FOCAD: variants seen among roughly 807,000 people sequenced by gnomAD.
The protein encoded by FOCAD is focadhesin.
FOCAD carries 198 observed loss-of-function variants against 225.6 expected under a neutral mutation model. The observed-to-expected ratio is 0.88, with a 90% CI of 0.78 to 0.99. The LOEUF is 0.99. Ranked by LOEUF, FOCAD falls within the 50% of genes least tolerant of loss-of-function variation. The pLI, the probability that FOCAD is intolerant of heterozygous loss-of-function variation, is 0.00. For missense variants in FOCAD, 2,713 were observed against 2,123.6 expected, an observed-to-expected ratio of 1.28 and a Z score of -5.46; for synonymous variants, 897 against 755.0, an observed-to-expected ratio of 1.19 and a Z score of -3.08.
At chr9:20,837,686 C>A (rs575519526) in intron 15 of FOCAD, among the ~76,000 whole-genome samples, 2 of 152,058 alleles carry the variant, frequency 1.3e-5, no homozygotes, top group African/African-American at 4.8e-5. Flanking sequence ...TATGTTTGTA[C>A]AAGAATTATT....
At chr9:20,877,861 T>C (rs370997895) in intron 19 of FOCAD, among the ~76,000 whole-genome samples, 1 of 151,614 alleles carries the variant, frequency 6.6e-6, no homozygotes, top group East Asian at 2.0e-4. Flanking sequence ...TAAGCCAACA[T>C]TGCACCACTG....
chr9:20,681,107 T>C (rs1373782515), upstream of FOCAD, among the ~76,000 whole-genome samples: 1 of 152,252 alleles, frequency 6.6e-6, no homozygotes, highest in Non-Finnish European at 1.5e-5. Context: ...TGTATCCTTT[T>C]AGAATTTTAG....
intron 37 of FOCAD, among the ~76,000 whole-genome samples, chr9:20,980,687 A>C (rs552638935): frequency 6.6e-6 from 1 of 152,322 alleles, no homozygotes; most frequent in East Asian, 1.9e-4. Flanking sequence ...AATAGCACAC[A>C]AAAAAGTTTT....
chr9:20,696,149 C>T (rs1823351212), intron 1 of FOCAD, among the ~76,000 whole-genome samples: 1 of 152,196 alleles, frequency 6.6e-6, no homozygotes, highest in Non-Finnish European at 1.5e-5. Context: ...TTCACTCTTC[C>T]CACATTTCAT....
intron 7 of FOCAD, among the ~76,000 whole-genome samples, chr9:20,769,031 G>A (rs997308659): frequency 1.3e-5 from 2 of 152,122 alleles, no homozygotes; most frequent in African/African-American, 4.8e-5. Flanking sequence ...ATATTGTCAA[G>A]TAAACATTAG....
chr9:20,829,105 G>T (rs550312375), intron 15 of FOCAD, among the ~76,000 whole-genome samples: 3 of 152,030 alleles, frequency 2.0e-5, no homozygotes, highest in Non-Finnish European at 4.4e-5. Context: ...ATATACGTGC[G>T]CATGTGTCTT....
At chr9:20,858,138 A>G (rs144325693) in intron 15 of FOCAD, among the ~76,000 whole-genome samples, 7 of 151,946 alleles carry the variant, frequency 4.6e-5, no homozygotes, top group South Asian at 2.1e-4. Flanking sequence ...CTCCTCTTCT[A>G]TTTTTTGGAA....
chr9:20,874,875 T>C, intron 19 of FOCAD, 68 bp downstream of exon 19: 2 of 1,572,564 alleles, frequency 1.3e-6, no homozygotes, highest in South Asian at 1.1e-5. Context: ...TTGTATTCTT[T>C]TGTGATAGGT....
intron 15 of FOCAD, 127 bp downstream of exon 15, chr9:20,823,242 T>C (rs1824519407): frequency 9.0e-7 from 1 of 1,111,854 alleles, no homozygotes; most frequent in Non-Finnish European, 1.2e-6. Context: ...GAATTTTTTC[T>C]TGGAAAAGTG....
At chr9:20,955,195 C>A (rs1026050225) in intron 35 of FOCAD, among the ~76,000 whole-genome samples, 1 of 152,144 alleles carries the variant, frequency 6.6e-6, no homozygotes, top group African/African-American at 2.4e-5. Context: ...TTCATTGTCT[C>A]TGCTTGCTAC....
In FOCAD at chr9:20,939,150, C is replaced by CAAAAAAAA. The variant is rs565280892; in HGVS notation, c.3408-5467_3408-5460dup. The stretch of plus-strand genomic sequence containing the variant: ...GGGCGACAGAGCGAGACTCTCTTCT[C>CAAAAAAAA]AAAAAAAAAAAAAAAAAGAGTGTGG... On this transcript the variant is annotated intron_variant, in intron 28 of 43. Transcript: ENST00000338382. 2.1e-4 allele frequency among the ~76,000 whole-genome samples: 15 copies of CAAAAAAAA among 72,486 alleles called. 2 individuals are homozygous for CAAAAAAAA. Among genetic ancestry groups the CAAAAAAAA allele is most frequent in the South Asian group, 1.3e-3 (2 of 1,566 alleles). 47.6% of individuals were successfully genotyped at this position (72,486 alleles called of 152,430 possible).
At chr9:20,843,392 A>T (rs1826747048) in intron 15 of FOCAD, among the ~76,000 whole-genome samples, 1 of 152,010 alleles carries the variant, frequency 6.6e-6, no homozygotes, top group South Asian at 2.1e-4. Flanking sequence ...AAGGATAGAA[A>T]TTTTTTTGCT....
At chr9:20,840,309 T>TAGAA (rs1826390495) in intron 15 of FOCAD, among the ~76,000 whole-genome samples, 1 of 152,032 alleles carries the variant, frequency 6.6e-6, no homozygotes, top group Non-Finnish European at 1.5e-5. Flanking sequence ...TATCTTTCTA[T>TAGAA]TTATTTTTGT....
intron 28 of FOCAD, among the ~76,000 whole-genome samples, chr9:20,933,320 A>G (rs953963402): frequency 4.6e-5 from 7 of 152,172 alleles, no homozygotes; most frequent in African/African-American, 1.2e-4. Context: ...ACTGCACACA[A>G]TTTGTCATCT....
intron 1 of FOCAD, among the ~76,000 whole-genome samples, chr9:20,694,019 T>G (rs376943037): frequency 2.9e-4 from 44 of 152,122 alleles, no homozygotes; most frequent in African/African-American, 1.0e-3. Flanking sequence ...CTGCAATCCA[T>G]TTTTTAAAAG....
Position 20,712,730 on chromosome 9 carries a change from C to CTTT in FOCAD, c.-32-2572_-32-2570dup, listed in dbSNP as rs71334550. Reference sequence around the variant, plus strand: ...ATCCTTGACTCCTTTCTCCTATATTCTTTTTTTTTTTTTTTTTTTTTTGAC... The same window carrying CTTT: ...ATCCTTGACTCCTTTCTCCTATATTCTTTTTTTTTTTTTTTTTTTTTTTTTGAC... On this transcript the variant is annotated intron_variant, in intron 1 of 43. Transcript: ENST00000338382. Among the ~76,000 whole-genome samples the CTTT allele has an allele frequency of 9.8e-3, 917 of 93,304 alleles. 54 individuals are homozygous for CTTT. The highest frequency in any genetic ancestry group is 0.03 in the South Asian group (75 of 2,462). 61.2% of individuals were successfully genotyped at this position (93,304 alleles called of 152,430 possible). A position where few individuals can be genotyped will look rare whatever the true frequency, so the allele number is the denominator to read the frequency against.
intron 15 of FOCAD, among the ~76,000 whole-genome samples, chr9:20,860,948 C>T (rs1319749913): frequency 6.6e-6 from 1 of 152,196 alleles, no homozygotes; most frequent in Non-Finnish European, 1.5e-5. Context: ...AGCCTTTCCC[C>T]ACCAATACTT....
intron 7 of FOCAD, among the ~76,000 whole-genome samples, chr9:20,769,510 A>G (rs1004947051): frequency 1.3e-5 from 2 of 152,234 alleles, no homozygotes; most frequent in Non-Finnish European, 2.9e-5. Flanking sequence ...TGTTGAGAAG[A>G]CACTCTACCA....
intron 20 of FOCAD, 115 bp downstream of exon 20, chr9:20,882,171 G>A (rs1676230346): frequency 2.3e-6 from 2 of 853,264 alleles, no homozygotes; most frequent in South Asian, 1.8e-5. Flanking sequence ...ACTAACATGT[G>A]GATAAATTAT....
Sources: allele counts gnomAD v4.1 joint callset (sites outside exome capture counted in the v4.1 genomes callset), GRCh38; gene constraint gnomAD v4.1.1; transcripts MANE v1.5; gene names NCBI Gene and HGNC (gene_info 2026-07-23, HGNC 2026-07-21).